DIP2B: variants seen among roughly 807,000 people sequenced by gnomAD.
DIP2B encodes DIP2 acetate--CoA ligase B (putative), also known as disco-interacting protein 2 homolog B.
Under a neutral mutation model 198.0 loss-of-function variants are expected in DIP2B, and 76 were observed. The ratio of observed to expected loss-of-function variants is 0.38; its 90% CI spans 0.32 to 0.46. The LOEUF (loss-of-function observed/expected upper bound fraction) is 0.46. Ranked by LOEUF, DIP2B falls within the 20% of genes least tolerant of loss-of-function variation. DIP2B has a pLI of 0.99. For synonymous variants in DIP2B, 701 were observed against 739.1 expected (o/e 0.95, Z 0.84); for missense variants, 1,559 against 1,978.4 (o/e 0.79, Z 4.02).
chr12:50,550,005 T>C (rs1485834792), intron 1 of DIP2B, among the ~76,000 whole-genome samples: 1 of 152,208 alleles, frequency 6.6e-6, no homozygotes, highest in African/African-American at 2.4e-5. Context: ...TTGGCACTTT[T>C]TGATTTTCTA....
At position 50,737,064 on chromosome 12, in the gene DIP2B, T is replaced by C; in HGVS notation, c.4130T>C (p.Val1377Ala). 2 of 1,614,126 alleles carry C rather than the reference T, an allele frequency of 1.2e-6. No individual in the cohort carries two copies. The highest frequency in any genetic ancestry group is 1.7e-6 in the Non-Finnish European group (2 of 1,179,982). Residue 1377 changes from valine to alanine, a missense_variant, in exon 35 of 38, where the codon GTT (valine) becomes GCT (alanine). Transcript: ENST00000301180. ...KILPGVKVVI[V>A]NPETKGPVGD... is the part of the protein sequence containing the mutation. ...TTACCTGGAGTGAAAGTGGTTATTG[T>C]TAATCCTGAGACCAAAGGGCCGGTT...
chr12:50,604,857 A>G (rs988216429), intron 1 of DIP2B, among the ~76,000 whole-genome samples: 24 of 152,300 alleles, frequency 1.6e-4, no homozygotes, highest in African/African-American at 5.5e-4. Context: ...CTATTTAAAA[A>G]GAATATATAT....
At chr12:50,686,865 A>G (rs1376389211) in intron 12 of DIP2B, 183 bp downstream of exon 12, 2 of 518,458 alleles carry the variant, frequency 3.9e-6, no homozygotes, top group African/African-American at 1.9e-5. Flanking sequence ...TATTTTGATC[A>G]TAAGTATACA....
intron 17 of DIP2B, among the ~76,000 whole-genome samples, chr12:50,697,493 TGTAA>T (rs1414323285): frequency 1.3e-5 from 2 of 151,018 alleles, no homozygotes; most frequent in African/African-American, 2.4e-5. Flanking sequence ...CCATTATGTA[TGTAA>T]GTATCAGTGA....
At chr12:50,527,218 T>C (rs1958174769) in intron 1 of DIP2B, among the ~76,000 whole-genome samples, 1 of 152,224 alleles carries the variant, frequency 6.6e-6, no homozygotes, top group South Asian at 2.1e-4. Flanking sequence ...AAGTCAGACC[T>C]TTGGTCAGTT....
At chr12:50,617,683 C>T (rs999070252) in intron 1 of DIP2B, among the ~76,000 whole-genome samples, 3 of 152,046 alleles carry the variant, frequency 2.0e-5, no homozygotes, top group Non-Finnish European at 4.4e-5. Context: ...GTGGCATTTG[C>T]CCATAGTTCC....
chr12:50,728,208 C>T (rs576383243), intron 29 of DIP2B, among the ~76,000 whole-genome samples: 3 of 152,242 alleles, frequency 2.0e-5, no homozygotes, highest in East Asian at 3.9e-4. Flanking sequence ...TGGAAAACCC[C>T]GTCTCTACTA....
intron 1 of DIP2B, among the ~76,000 whole-genome samples, chr12:50,538,671 AT>A (rs1166763725): frequency 6.6e-6 from 1 of 152,146 alleles, no homozygotes; most frequent in African/African-American, 2.4e-5. Context: ...AAAGTAAATA[AT>A]GTTTATATTC....
In DIP2B at chr12:50,734,198, T is replaced by TA; in HGVS notation, c.4043+3dup. On this transcript the variant is annotated splice_region_variant and intron_variant, in intron 33 of 37. Coordinates refer to ENST00000301180, the MANE Select transcript of DIP2B (RefSeq NM_173602.3). ...TCTGAAATCACTAAGACATGACAGG[T>TA]ACAACAGATTTATTAATGCTCCTTT... The TA allele has an allele frequency of 6.2e-7, 1 of 1,614,032 alleles. No individual in the cohort carries two copies. Among genetic ancestry groups the TA allele is most frequent in the Non-Finnish European group, 8.5e-7 (1 of 1,179,980 alleles).
intron 35 of DIP2B, 30 bp from the exon 36 acceptor site, chr12:50,739,379 T>C: frequency 6.3e-7 from 1 of 1,592,422 alleles, no homozygotes; most frequent in Non-Finnish European, 8.6e-7. Flanking sequence ...GTGTCCCCAG[T>C]GAGTTGTGAT....
chr12:50,546,950 A>T (rs1340787386), intron 1 of DIP2B, among the ~76,000 whole-genome samples: 1 of 151,770 alleles, frequency 6.6e-6, no homozygotes, highest in Non-Finnish European at 1.5e-5. Flanking sequence ...AAAATATACC[A>T]CTCTATTTGG....
At chr12:50,634,851 A>C (rs1938128395) in intron 2 of DIP2B, among the ~76,000 whole-genome samples, 1 of 152,242 alleles carries the variant, frequency 6.6e-6, no homozygotes, top group African/African-American at 2.4e-5. Context: ...AAGAGCATTT[A>C]GAATTTCTGG....
intron 1 of DIP2B, among the ~76,000 whole-genome samples, chr12:50,589,430 C>T (rs539448191): frequency 3.3e-5 from 5 of 151,858 alleles, no homozygotes; most frequent in South Asian, 2.1e-4. Context: ...CTCCTGACCT[C>T]GGCGTCCCAA....
In DIP2B at chr12:50,733,125, C is replaced by CA. The variant is rs563168813; in HGVS notation, c.3981+592dup. On this transcript the variant is annotated intron_variant, in intron 32 of 37. Coordinates refer to ENST00000301180, the MANE Select transcript of DIP2B (RefSeq NM_173602.3). ...TTCGCCCTGTTGACCAGGCTGGTCTCAAACTCCTGACCTCAAGTGATCCAG... is the reference window on the plus strand; with the variant it reads ...TTCGCCCTGTTGACCAGGCTGGTCTCAAAACTCCTGACCTCAAGTGATCCAG... Among the ~76,000 whole-genome samples, 26 of 152,128 alleles carry CA rather than the reference C, an allele frequency of 1.7e-4. No individual in the cohort carries two copies. In the East Asian group the frequency reaches 4.5e-3, roughly 26 times the overall value.
intron 1 of DIP2B, among the ~76,000 whole-genome samples, chr12:50,521,884 T>C (rs1958123385): frequency 6.6e-6 from 1 of 151,962 alleles, no homozygotes; most frequent in South Asian, 2.1e-4. Flanking sequence ...GCTCAAGGAT[T>C]CACCTGCCTT....
intron 4 of DIP2B, among the ~76,000 whole-genome samples, chr12:50,666,234 T>A (rs1343607788): frequency 6.6e-6 from 1 of 152,226 alleles, no homozygotes; most frequent in Non-Finnish European, 1.5e-5. Flanking sequence ...AGAGTAATGT[T>A]ATGGTTACCA....
chr12:50,731,417 G>A lies in DIP2B; in HGVS notation c.3690G>A (p.Glu1230=). 6.2e-7 allele frequency: 1 copy of A among 1,614,154 alleles called. No individual in the cohort carries two copies. Reference sequence around the variant, plus strand: ...TCTTAATTCCTCCTATGGAGTTAGAGAACAACCTTTTCCTCTGGCTCTCCA... The same window carrying A: ...TCTTAATTCCTCCTATGGAGTTAGAAAACAACCTTTTCCTCTGGCTCTCCA... ...QSVLIPPMEL[E]NNLFLWLSTV... is the part of the protein sequence containing the mutation. Residue 1230 remains glutamate (E), a synonymous_variant, in exon 31 of 38, where the codon GAG becomes GAA. Transcript: ENST00000301180.
At chr12:50,537,274 T>G (rs1457254128) in intron 1 of DIP2B, among the ~76,000 whole-genome samples, 1 of 70,546 alleles carries the variant, frequency 1.4e-5, no homozygotes, top group Non-Finnish European at 3.4e-5. Context: ...TGCTTTATAA[T>G]TGTTTGTTTA....
At chr12:50,696,086 T>G (rs1330262824) in intron 16 of DIP2B, 119 bp downstream of exon 16, 4 of 1,445,734 alleles carry the variant, frequency 2.8e-6, no homozygotes, top group South Asian at 1.3e-5. Flanking sequence ...AGATGTGTAA[T>G]TCAGTGGTTT....
Sources: gnomAD v4.1 joint callset for allele counts (sites outside exome capture counted in the v4.1 genomes callset) on GRCh38, gnomAD v4.1.1 for gene constraint, MANE v1.5 for transcripts, NCBI Gene and HGNC (gene_info 2026-07-23, HGNC 2026-07-21) for gene names.